MTHFD1: variants seen among roughly 807,000 people sequenced by gnomAD.
The protein encoded by MTHFD1 is methylenetetrahydrofolate dehydrogenase, cyclohydrolase and formyltetrahydrofolate synthetase 1.
A neutral mutation model predicts 110.3 loss-of-function variants in MTHFD1; 44 were observed. The ratio of observed to expected loss-of-function variants is 0.40; its 90% CI spans 0.31 to 0.51. MTHFD1 has a LOEUF of 0.51. Ranked by LOEUF, MTHFD1 falls within the 20% of genes least tolerant of loss-of-function variation. The pLI is 0.60. For missense variants in MTHFD1, 909 were observed against 1,173.1 expected (o/e 0.77, Z 3.29); for synonymous variants, 402 against 428.8 (o/e 0.94, Z 0.77).
At chr14:64,395,199 A>T (rs1316837004) in intron 1 of MTHFD1, among the ~76,000 whole-genome samples, 5 of 152,238 alleles carry the variant, frequency 3.3e-5, no homozygotes, top group African/African-American at 1.2e-4. Context: ...TGTGGCCTAG[A>T]GGCCAAATGT....
At position 64,412,294 on chromosome 14, in the gene MTHFD1, GT is replaced by G. The variant is rs137891493; in HGVS notation, c.187-177del. ...GCAAGCATGACATTGCTGAAGTGCA[GT>G]GGTGGCAATTAACAAGTGAATGATG... On this transcript the variant is annotated intron_variant, in intron 3 of 27. Coordinates refer to ENST00000652337, the MANE Select transcript of MTHFD1 (RefSeq NM_005956.4). Among the ~76,000 whole-genome samples, 918 of 152,312 alleles carry G rather than the reference GT, an allele frequency of 6.0e-3. 12 individuals carry two copies. The highest frequency in any genetic ancestry group is 0.044 in the East Asian group (231 of 5,192).
chr14:64,388,811 T>G, intron 1 of MTHFD1: 2 of 467,534 alleles, frequency 4.3e-6, no homozygotes, highest in East Asian at 8.0e-5. Flanking sequence ...ATCTACTTAA[T>G]TCCCGTTAAT....
At chr14:64,438,987 T>C (rs561932489) in intron 16 of MTHFD1, 109 bp from the exon 17 acceptor site, 2 of 802,060 alleles carry the variant, frequency 2.5e-6, no homozygotes, top group Non-Finnish European at 4.4e-6. Flanking sequence ...TTTTGAAATA[T>C]TGATAGACAA....
At chr14:64,414,879 G>C (rs1481942018) in intron 4 of MTHFD1, among the ~76,000 whole-genome samples, 1 of 151,962 alleles carries the variant, frequency 6.6e-6, no homozygotes, top group Non-Finnish European at 1.5e-5. Flanking sequence ...AGTAGAGACA[G>C]GGTTTCACTA....
At position 64,431,607 on chromosome 14, in the gene MTHFD1, C is replaced by T. The variant is rs762119900; in HGVS notation, c.1387C>T (p.Arg463Trp). ...CCTCGTTGCTGCGGCCATTGATGCT[C>T]GGATATTTCATGAACTGACCCAGAC... Reference protein sequence around the residue: ...NNLVAAAIDARIFHELTQTDK... With the variant: ...NNLVAAAIDAWIFHELTQTDK... Residue 463 changes from arginine (R) to tryptophan (W), a missense_variant, in exon 14 of 28, where the codon CGG (arginine) becomes TGG (tryptophan). By Grantham distance (101) the Arg-to-Trp change is moderately radical. Around this residue, in one of 3 missense-constraint regions of MTHFD1, gnomAD observed 482 missense variants for 646.0 expected, o/e 0.75. Coordinates refer to ENST00000652337, the MANE Select transcript of MTHFD1 (RefSeq NM_005956.4). The T allele has an allele frequency of 4.3e-6, 7 of 1,614,130 alleles. No individual in the cohort carries two copies. The highest frequency in any genetic ancestry group is 5.9e-6 in the Non-Finnish European group (7 of 1,180,032).
chr14:64,410,194 T>TG (rs965184469), intron 2 of MTHFD1, among the ~76,000 whole-genome samples: 2 of 152,168 alleles, frequency 1.3e-5, no homozygotes, highest in African/African-American at 4.8e-5. Context: ...ATTTAGCCTC[T>TG]GCACTACAAG....
At chr14:64,412,320 G>A (rs555743483) in intron 3 of MTHFD1, 152 bp from the exon 4 acceptor site, 1 of 700,338 alleles carries the variant, frequency 1.4e-6, no homozygotes, top group East Asian at 2.7e-5. Flanking sequence ...AGTGAATGAT[G>A]AATGGGTTGA....
At chr14:64,434,783 A>T (rs1342428082) in intron 15 of MTHFD1, among the ~76,000 whole-genome samples, 1 of 151,522 alleles carries the variant, frequency 6.6e-6, no homozygotes, top group South Asian at 2.1e-4. Context: ...CAATGAATTG[A>T]CAACTCTGGC....
At chr14:64,416,755 A>C (rs996683936) in intron 6 of MTHFD1, among the ~76,000 whole-genome samples, 1 of 152,194 alleles carries the variant, frequency 6.6e-6, no homozygotes, top group Non-Finnish European at 1.5e-5. Flanking sequence ...ATATTTAGCA[A>C]ACATTGTAGT....
intron 2 of MTHFD1, among the ~76,000 whole-genome samples, chr14:64,408,541 A>G (rs922238765): frequency 2.0e-5 from 3 of 152,222 alleles, no homozygotes; most frequent in African/African-American, 7.2e-5. Flanking sequence ...TGCCCGCCTT[A>G]GCCTCCCAAA....
At chr14:64,418,485 ATAAAAT>A (rs199763474) in intron 7 of MTHFD1, among the ~76,000 whole-genome samples, 6,390 of 151,858 alleles carry the variant, frequency 0.042, 185 homozygotes, top group Non-Finnish European at 0.067. Context: ...TAAAAAAAAC[ATAAAAT>A]TAAAAGCATG....
At chr14:64,406,330 C>T (rs1223719709) in intron 2 of MTHFD1, among the ~76,000 whole-genome samples, 1 of 151,896 alleles carries the variant, frequency 6.6e-6, no homozygotes, top group African/African-American at 2.4e-5. Flanking sequence ...TGAGCCACTG[C>T]TCCCGGCCAA....
rs377181293 is a variant in MTHFD1 at position 64,427,327 on chromosome 14, C to G, written c.1128-10C>G. 2 of 1,614,004 alleles carry G rather than the reference C, an allele frequency of 1.2e-6. No homozygotes were observed. Among genetic ancestry groups the G allele is most frequent in the Non-Finnish European group, 1.7e-6 (2 of 1,179,970 alleles). On this transcript the variant is annotated splice_polypyrimidine_tract_variant and intron_variant, in intron 11 of 27. Transcript: ENST00000652337. Reference sequence around the variant, plus strand: ...TTTAAACCTTTTTCTCTTTTGCTTTCGTCTTGAAGAATAACTCCAACACCC... The same window carrying G: ...TTTAAACCTTTTTCTCTTTTGCTTTGGTCTTGAAGAATAACTCCAACACCC...
At chr14:64,458,376 A>C in intron 27 of MTHFD1, 69 bp downstream of exon 27, 1 of 991,300 alleles carries the variant, frequency 1.0e-6, no homozygotes. Context: ...ATAGGGCTCA[A>C]ACTGACGCTA....
rs78891270 is a variant in MTHFD1 at position 64,425,921 on chromosome 14, C to G, written c.953+94C>G. The G allele has an allele frequency of 2.9e-4, 461 of 1,568,462 alleles. 1 individual carries two copies. Among genetic ancestry groups the G allele is most frequent in the Middle Eastern group, 3.4e-4 (2 of 5,970 alleles). ...TTCACATATGCTCCCTCTGAAGGTGCCTTCAGTGGTTGGGGTTGGGTTGGG... is the reference window on the plus strand; with the variant it reads ...TTCACATATGCTCCCTCTGAAGGTGGCTTCAGTGGTTGGGGTTGGGTTGGG... On this transcript the variant is annotated intron_variant, in intron 10 of 27. Coordinates refer to ENST00000652337, the MANE Select transcript of MTHFD1 (RefSeq NM_005956.4).
chr14:64,424,264 C>A (rs1490031301), intron 8 of MTHFD1: 1 of 172,892 alleles, frequency 5.8e-6, no homozygotes, highest in African/African-American at 2.4e-5. Context: ...TGTAGTTGTT[C>A]TTGTGTCCTT....
intron 26 of MTHFD1, among the ~76,000 whole-genome samples, chr14:64,457,811 CAA>C (rs1445655074): frequency 6.6e-6 from 1 of 152,112 alleles, no homozygotes; most frequent in Non-Finnish European, 1.5e-5. Flanking sequence ...TAATATGTAA[CAA>C]GAGTACCCAC....
Position 64,426,040 on chromosome 14 carries a change from T to A in MTHFD1, c.975T>A (p.Ser325=). The change falls in exon 11 of 28, where the codon TCT becomes TCA. Residue 325 remains serine, a synonymous_variant. Coordinates refer to ENST00000652337, the MANE Select transcript of MTHFD1 (RefSeq NM_005956.4). ...PVPSDIDISR[S]CKPKPIGKLA... is the part of the protein sequence containing the mutation. ...AAAGTGACATTGATATATCACGATC[T>A]TGTAAACCGAAGCCCATTGGTAAGC... is the stretch of plus-strand genomic sequence containing the variant. The A allele has an allele frequency of 6.2e-7, 1 of 1,613,662 alleles. No individual in the cohort carries two copies. The highest frequency in any genetic ancestry group is 1.8e-4 in the Middle Eastern group (1 of 5,628).
At chr14:64,390,498 T>G (rs1264649555) in intron 1 of MTHFD1, 1 of 152,168 alleles carries the variant, frequency 6.6e-6, no homozygotes, top group Non-Finnish European at 1.5e-5. Flanking sequence ...CTAATTTTTT[T>G]TTTTGAGATG....
Sources: gnomAD v4.1 joint callset for allele counts (sites outside exome capture counted in the v4.1 genomes callset) on GRCh38, gnomAD v4.1.1 for gene constraint, gnomAD v4.1.1 regional missense constraint, MANE v1.5 for transcripts, NCBI Gene and HGNC (gene_info 2026-07-23, HGNC 2026-07-21) for gene names.